PCNX1: variants seen among roughly 807,000 people sequenced by gnomAD.
PCNX1 encodes pecanex 1, also known as pecanex-like protein 1.
PCNX1 carries 78 observed loss-of-function variants against 242.2 expected under a neutral mutation model. The observed-to-expected ratio is 0.32, with a 90% CI of 0.27 to 0.39. PCNX1 has a LOEUF of 0.39. Ranked by LOEUF, PCNX1 falls within the 10% of genes least tolerant of loss-of-function variation. The pLI is 1.00. For synonymous variants in PCNX1, 1,024 were observed against 1,032.9 expected (o/e 0.99, Z 0.17); for missense variants, 2,581 against 2,856.5 (o/e 0.90, Z 2.20).
At chr14:71,005,624 A>G (rs1014023177) in intron 8 of PCNX1, among the ~76,000 whole-genome samples, 9 of 152,272 alleles carry the variant, frequency 5.9e-5, no homozygotes, top group African/African-American at 1.9e-4. Flanking sequence ...CTGATAGGGT[A>G]AGTTAGAGAA....
chr14:71,094,979 A>C (rs187020065), intron 30 of PCNX1, among the ~76,000 whole-genome samples: 1 of 152,218 alleles, frequency 6.6e-6, no homozygotes, highest in Non-Finnish European at 1.5e-5. Flanking sequence ...AGTATTTACT[A>C]TTGCATATTG....
chr14:71,086,495 A>G (rs920314673), intron 28 of PCNX1, among the ~76,000 whole-genome samples: 10 of 152,112 alleles, frequency 6.6e-5, no homozygotes, highest in African/African-American at 2.4e-4. Flanking sequence ...GGACAGTTTG[A>G]TCCTTTCAGG....
At chr14:70,948,735 ATG>A (rs910610189) in intron 2 of PCNX1, among the ~76,000 whole-genome samples, 8 of 145,512 alleles carry the variant, frequency 5.5e-5, no homozygotes, top group South Asian at 4.2e-4. Context: ...ATACATATAT[ATG>A]TGTATATGTA....
At chr14:70,944,161 C>T (rs775025972) in intron 1 of PCNX1, among the ~76,000 whole-genome samples, 10 of 152,126 alleles carry the variant, frequency 6.6e-5, no homozygotes, top group Admixed American at 2.6e-4. Flanking sequence ...TGCTGTCGTC[C>T]AGTCCACAGA....
chr14:70,937,537 C>T (rs2057059411), intron 1 of PCNX1, among the ~76,000 whole-genome samples: 1 of 152,120 alleles, frequency 6.6e-6, no homozygotes, highest in Admixed American at 6.6e-5. Context: ...GTTACTGTAG[C>T]CTTGTAGTAG....
At chr14:71,050,902 C>T (rs2061008804) in intron 23 of PCNX1, 142 bp downstream of exon 23, 1 of 766,598 alleles carries the variant, frequency 1.3e-6, no homozygotes, top group East Asian at 3.0e-5. Flanking sequence ...GGTGCAGTGG[C>T]TCACGCCTGT....
In PCNX1 at chr14:70,978,551, A is replaced by T. The variant is rs766744025; in HGVS notation, c.2214A>T (p.Gly738=). 1 of 1,614,136 alleles carries T rather than the reference A, an allele frequency of 6.2e-7. No homozygotes were observed. The change falls in exon 6 of 36, where the codon GGA becomes GGT. Residue 738 remains glycine, a synonymous_variant. Coordinates refer to ENST00000304743, the MANE Select transcript of PCNX1 (RefSeq NM_014982.3). ...TGCTAGATGAGCTATCTTTATTAGG[A>T]CGGGCTTCCCAGTTAGAGACAGTCA... ...GEVLDELSLL[G]RASQLETVTR... is the part of the protein sequence containing the mutation.
chr14:70,933,752 C>T lies in PCNX1; in HGVS notation c.154-13163C>T, dbSNP rs1291836603. Reference sequence around the variant, plus strand: ...TAGAGCCATGAGGTGATTGTGAGGGCTAAATGAGTTAGTATACTTAAAGTG... The same window carrying T: ...TAGAGCCATGAGGTGATTGTGAGGGTTAAATGAGTTAGTATACTTAAAGTG... On this transcript the variant is annotated intron_variant, in intron 1 of 35. Transcript: ENST00000304743. Among the ~76,000 whole-genome samples the T allele has an allele frequency of 2.6e-5, 4 of 152,150 alleles. No individual in the cohort carries two copies. In the East Asian group the frequency reaches 5.8e-4, roughly 22 times the overall value.
intron 26 of PCNX1, among the ~76,000 whole-genome samples, chr14:71,070,838 C>A (rs1382666357): frequency 6.6e-6 from 1 of 152,196 alleles, no homozygotes; most frequent in Admixed American, 6.5e-5. Context: ...GTCAGCCTGT[C>A]CTTTGAAGAT....
chr14:71,081,131 T>TG (rs958701355), intron 28 of PCNX1, among the ~76,000 whole-genome samples: 2 of 152,012 alleles, frequency 1.3e-5, no homozygotes, highest in African/African-American at 4.8e-5. Flanking sequence ...GATAATCATG[T>TG]GGTTTTTGTC....
At chr14:70,939,515 G>C (rs978459676) in intron 1 of PCNX1, among the ~76,000 whole-genome samples, 1 of 152,188 alleles carries the variant, frequency 6.6e-6, no homozygotes, top group African/African-American at 2.4e-5. Flanking sequence ...TATAACTTCT[G>C]TTGTTTTACA....
intron 8 of PCNX1, among the ~76,000 whole-genome samples, chr14:70,999,363 G>A (rs1482610790): frequency 2.0e-5 from 3 of 152,144 alleles, no homozygotes; most frequent in African/African-American, 4.8e-5. Flanking sequence ...GAAATTAGTG[G>A]TTGGGGTGAG....
At chr14:71,093,930 T>C (rs765769179) in intron 30 of PCNX1, 1 of 152,242 alleles carries the variant, frequency 6.6e-6, no homozygotes, top group East Asian at 1.9e-4. Flanking sequence ...GTATATAATA[T>C]GTATAAAATA....
chr14:70,924,250 GAAA>G (rs1248981424), intron 1 of PCNX1, among the ~76,000 whole-genome samples: 2 of 132,660 alleles, frequency 1.5e-5, no homozygotes, highest in Admixed American at 7.6e-5. Flanking sequence ...AAAAAAAAAA[GAAA>G]AAGAAAAAAC....
chr14:71,020,003 A>G (rs947709386), intron 12 of PCNX1, among the ~76,000 whole-genome samples: 1 of 150,548 alleles, frequency 6.6e-6, no homozygotes, highest in Non-Finnish European at 1.5e-5. Context: ...TCATTGTTCA[A>G]CTCCCACTTA....
chr14:71,002,270 C>A (rs1250518970), intron 8 of PCNX1, among the ~76,000 whole-genome samples: 1 of 152,168 alleles, frequency 6.6e-6, no homozygotes, highest in Non-Finnish European at 1.5e-5. Flanking sequence ...TCCCCCAAAT[C>A]TTAGTATCTG....
intron 7 of PCNX1, among the ~76,000 whole-genome samples, chr14:70,990,267 AT>A (rs200684084): frequency 2.5e-4 from 38 of 152,074 alleles, no homozygotes; most frequent in South Asian, 2.3e-3. Context: ...TTAAAAAAAA[AT>A]AATAATAAAA....
chr14:70,930,123 GTA>G (rs1341425177), intron 1 of PCNX1, among the ~76,000 whole-genome samples: 3 of 152,052 alleles, frequency 2.0e-5, no homozygotes, highest in African/African-American at 7.2e-5. Flanking sequence ...TTGTGTGTGT[GTA>G]TGTGTGTATG....
At chr14:71,072,109 T>C (rs946173453) in intron 26 of PCNX1, among the ~76,000 whole-genome samples, 24 of 152,100 alleles carry the variant, frequency 1.6e-4, no homozygotes, top group African/African-American at 5.8e-4. Context: ...GTTTGAAATA[T>C]TGAGAGAATT....
Sources: gnomAD v4.1 joint callset for allele counts (sites outside exome capture counted in the v4.1 genomes callset) on GRCh38, gnomAD v4.1.1 for gene constraint, MANE v1.5 for transcripts, NCBI Gene and HGNC (gene_info 2026-07-23, HGNC 2026-07-21) for gene names.